The following COL5A1 variants were observed in gnomAD, a reference collection of about 807,000 sequenced individuals.
COL5A1 encodes collagen alpha-1(V) chain.
A neutral mutation model predicts 263.7 loss-of-function variants in COL5A1; 16 were observed. The observed-to-expected ratio is 0.06, with a 90% confidence interval of 0.04 to 0.09. COL5A1 has a LOEUF of 0.09. COL5A1 is among the 10% of genes least tolerant of loss of function. The pLI, the probability that COL5A1 is intolerant of heterozygous loss-of-function variation, is 1.00. For synonymous variants in COL5A1, 1,012 were observed against 1,004.5 expected (o/e 1.01, Z -0.14); for missense variants, 2,036 against 2,540.5 (o/e 0.80, Z 4.27).
At chr9:134,775,197 C>T (rs1203209313) in intron 27 of COL5A1, among the ~76,000 whole-genome samples, 2 of 152,246 alleles carry the variant, frequency 1.3e-5, no homozygotes, top group Non-Finnish European at 2.9e-5. Context: ...TCTGTCAGGA[C>T]GGGACACGTC....
chr9:134,700,828 C>T lies in COL5A1; in HGVS notation c.492-343C>T, dbSNP rs1012284121. Among the ~76,000 whole-genome samples, 16 of 152,152 alleles carry T rather than the reference C, an allele frequency of 1.1e-4. No homozygotes were observed. The highest frequency in any genetic ancestry group is 2.9e-4 in the African/African-American group (12 of 41,424). ...ATTCTCCCGATGGCTGTGACCGCACCGCAGGGACCACGCTCCCAGGGACCA... is the reference window on the plus strand; with the variant it reads ...ATTCTCCCGATGGCTGTGACCGCACTGCAGGGACCACGCTCCCAGGGACCA... On this transcript the variant is annotated intron_variant, in intron 3 of 65. Transcript: ENST00000371817. The surrounding 1 kb of genome is among the most constrained non-coding windows in gnomAD (Gnocchi z 4.0).
rs200395493 is a variant in COL5A1 at position 134,800,348 on chromosome 9, TC to T, written c.2953-1604del. Reference sequence around the variant, plus strand: ...CATGCCCTTGACACCCATCCACCGTTCCTTACTTCTGACCCCATAAGTGCAA... The same window carrying T: ...CATGCCCTTGACACCCATCCACCGTTCTTACTTCTGACCCCATAAGTGCAA... On this transcript the variant is annotated intron_variant, in intron 37 of 65. Transcript: ENST00000371817. Among the ~76,000 whole-genome samples, 1,151 of 152,286 alleles carry T rather than the reference TC, an allele frequency of 7.6e-3. 25 individuals are homozygous for T. The highest frequency in any genetic ancestry group is 0.026 in the African/African-American group (1,076 of 41,544).
At chr9:134,734,692 G>A (rs923977636) in intron 9 of COL5A1, among the ~76,000 whole-genome samples, 6 of 152,226 alleles carry the variant, frequency 3.9e-5, no homozygotes, top group African/African-American at 1.4e-4. Flanking sequence ...ACGGAACCGA[G>A]AGGAGACAGG....
At chr9:134,816,959 G>A (rs1838775022) in intron 52 of COL5A1, 67 bp from the exon 53 acceptor site, 1 of 1,408,142 alleles carries the variant, frequency 7.1e-7, no homozygotes, top group Non-Finnish European at 1.0e-6. Flanking sequence ...AAATCGCCAT[G>A]TGTTTTGCCT....
intron 1 of COL5A1, among the ~76,000 whole-genome samples, chr9:134,673,784 AG>A (rs1410174270): frequency 6.6e-6 from 1 of 152,252 alleles, no homozygotes; most frequent in Non-Finnish European, 1.5e-5. Flanking sequence ...AAAGGTAATA[AG>A]ATTGGAAGAA....
intron 27 of COL5A1, among the ~76,000 whole-genome samples, chr9:134,778,174 CTT>C (rs1403479105): frequency 1.3e-5 from 2 of 152,218 alleles, no homozygotes; most frequent in East Asian, 3.8e-4. Context: ...TACCTGTTCT[CTT>C]TTCAAAACTC....
intron 1 of COL5A1, among the ~76,000 whole-genome samples, chr9:134,657,864 C>T (rs1414238655): frequency 1.3e-5 from 2 of 151,776 alleles, no homozygotes; most frequent in Admixed American, 6.6e-5. Flanking sequence ...GCCTGGGGGC[C>T]GTTTGGCAGA....
At chr9:134,761,091 A>G (rs988892633) in intron 18 of COL5A1, among the ~76,000 whole-genome samples, 1 of 129,628 alleles carries the variant, frequency 7.7e-6, no homozygotes, top group African/African-American at 3.3e-5. Flanking sequence ...ACGTGCACAC[A>G]CCCCACACAT....
At chr9:134,801,866 G>A (rs1202650574) in intron 37 of COL5A1, 88 bp from the exon 38 acceptor site, 2 of 1,133,328 alleles carry the variant, frequency 1.8e-6, no homozygotes, top group East Asian at 2.5e-5. Flanking sequence ...GAAGGGAGGT[G>A]GGGGGCAAGC....
intron 34 of COL5A1, 104 bp from the exon 35 acceptor site, chr9:134,796,270 C>T (rs1837904633): frequency 2.3e-6 from 3 of 1,277,374 alleles, no homozygotes; most frequent in South Asian, 1.2e-5. Context: ...GGGGTGCACA[C>T]AGGCAATATT....
intron 31 of COL5A1, among the ~76,000 whole-genome samples, chr9:134,787,293 A>C (rs771879848): frequency 7.9e-5 from 12 of 152,048 alleles, no homozygotes; most frequent in Non-Finnish European, 1.5e-4. Flanking sequence ...CAGCACAGTG[A>C]CCCGGTTTCT....
At chr9:134,787,326 C>G (rs1005168881) in intron 31 of COL5A1, among the ~76,000 whole-genome samples, 1 of 152,216 alleles carries the variant, frequency 6.6e-6, no homozygotes, top group South Asian at 2.1e-4. Context: ...GTGTCACCTG[C>G]ACTGAGGTTT....
intron 50 of COL5A1, 92 bp downstream of exon 50, chr9:134,814,996 T>C (rs936709899): frequency 1.1e-5 from 10 of 881,040 alleles, no homozygotes; most frequent in Non-Finnish European, 1.4e-5. Flanking sequence ...CACTCTGCTC[T>C]GAGAACAGCT....
chr9:134,726,127 C>T (rs1315997008), intron 4 of COL5A1, among the ~76,000 whole-genome samples: 1 of 152,240 alleles, frequency 6.6e-6, no homozygotes, highest in African/African-American at 2.4e-5. Flanking sequence ...CAGGGTACCT[C>T]CAAGCCCTCG....
intron 9 of COL5A1, chr9:134,732,637 A>G: frequency 4.6e-6 from 1 of 216,062 alleles, no homozygotes; most frequent in Admixed American, 5.2e-5. Context: ...AAACTTTATC[A>G]AGGGAATGAA....
At position 134,821,509 on chromosome 9, in the gene COL5A1, C is replaced by G. The variant is rs1838999043; in HGVS notation, c.4555-588C>G. On this transcript the variant is annotated intron_variant, in intron 58 of 65. Transcript: ENST00000371817. The surrounding 1 kb of genome is among the most constrained non-coding windows in gnomAD (Gnocchi z 4.2). ...CTGTAGGGAGAGAGGCTGCAGGTGG[C>G]TCCAGCTGCCCGTGGCAAAGCTGGT... Among the ~76,000 whole-genome samples the G allele has an allele frequency of 6.6e-6, 1 of 152,204 alleles. No individual in the cohort carries two copies. Among genetic ancestry groups the G allele is most frequent in the Admixed American group, 6.5e-5 (1 of 15,284 alleles).
intron 4 of COL5A1, among the ~76,000 whole-genome samples, chr9:134,706,245 A>C: frequency 6.6e-6 from 1 of 152,202 alleles, no homozygotes; most frequent in Non-Finnish European, 1.5e-5. Context: ...CTGGTGTCAG[A>C]GGAGGACTCA....
chr9:134,708,958 C>T, intron 4 of COL5A1: 1 of 456,656 alleles, frequency 2.2e-6, no homozygotes, highest in Non-Finnish European at 4.4e-6. Flanking sequence ...CGTCTTTACA[C>T]AGCCTCTCTC....
intron 11 of COL5A1, 119 bp downstream of exon 11, chr9:134,738,927 C>T: frequency 1.2e-6 from 1 of 809,332 alleles, no homozygotes. Flanking sequence ...CTTGTGTCTT[C>T]AAATCCCCCC....
Sources: gnomAD v4.1 joint callset for allele counts (sites outside exome capture counted in the v4.1 genomes callset) on GRCh38, gnomAD v4.1.1 for gene constraint, Gnocchi (gnomAD v3.1) non-coding constraint, MANE v1.5 for transcripts, NCBI Gene and HGNC (gene_info 2026-07-23, HGNC 2026-07-21) for gene names.